Variants in XRCC4 observed in about 807,000 individuals in gnomAD.
XRCC4 encodes X-ray repair cross complementing 4.
In XRCC4, 28 loss-of-function variants were observed where a neutral mutation model predicts 39.1. The observed-to-expected ratio is 0.72, with a 90% confidence interval of 0.53 to 0.98. The LOEUF is 0.98. Among genes scored for constraint, XRCC4 ranks in the 50% least tolerant of loss-of-function variants. The pLI, the probability that XRCC4 is intolerant of heterozygous loss-of-function variation, is 0.00. For synonymous variants in XRCC4, 123 were observed against 126.4 expected, an observed-to-expected ratio of 0.97 and a Z score of 0.18; for missense variants, 350 against 376.4, an observed-to-expected ratio of 0.93 and a Z score of 0.58.
chr5:83,369,606 T>C, the XRCC4 span, among the ~76,000 whole-genome samples: 1 of 152,234 alleles, frequency 6.6e-6, no homozygotes. Flanking sequence ...CTGCATAGTA[T>C]TCCACGGTGT....
At chr5:83,178,380 C>T (rs1750056499) in intron 3 of XRCC4, among the ~76,000 whole-genome samples, 2 of 152,034 alleles carry the variant, frequency 1.3e-5, no homozygotes, top group Non-Finnish European at 2.9e-5. Context: ...CTTGAGATCA[C>T]TCAGGAAGAG....
chr5:83,320,256 T>G (rs1298810020), intron 7 of XRCC4, among the ~76,000 whole-genome samples: 2 of 145,700 alleles, frequency 1.4e-5, no homozygotes, highest in Non-Finnish European at 3.0e-5. Flanking sequence ...TACCTAATGA[T>G]AGATGACACG....
At chr5:83,127,136 G>A (rs1302779655) in intron 3 of XRCC4, among the ~76,000 whole-genome samples, 2 of 151,900 alleles carry the variant, frequency 1.3e-5, no homozygotes, top group Non-Finnish European at 1.5e-5. Context: ...AAGACTTTTG[G>A]GGCTACTGGG....
chr5:83,091,356 C>A (rs1016676132), intron 1 of XRCC4, among the ~76,000 whole-genome samples: 1 of 152,144 alleles, frequency 6.6e-6, no homozygotes, highest in Non-Finnish European at 1.5e-5. Flanking sequence ...CTATTAAAAC[C>A]ATCAGCTCTT....
chr5:83,085,763 C>A (rs1745153038), intron 1 of XRCC4, among the ~76,000 whole-genome samples: 1 of 152,076 alleles, frequency 6.6e-6, no homozygotes, highest in African/African-American at 2.4e-5. Context: ...TCTTAAATGG[C>A]AACATAGAAA....
chr5:83,184,805 C>G (rs935379705), intron 3 of XRCC4, among the ~76,000 whole-genome samples: 15 of 152,058 alleles, frequency 9.9e-5, no homozygotes, highest in African/African-American at 3.6e-4. Flanking sequence ...AAGTAATCAA[C>G]CATTTTAAAA....
At chr5:83,083,894 T>G (rs1014563911) in intron 1 of XRCC4, among the ~76,000 whole-genome samples, 1 of 152,196 alleles carries the variant, frequency 6.6e-6, no homozygotes, top group Non-Finnish European at 1.5e-5. Context: ...TAATATTAGA[T>G]GTAACTCAAG....
the XRCC4 span, among the ~76,000 whole-genome samples, chr5:83,374,329 T>A: frequency 3.9e-5 from 6 of 152,344 alleles, no homozygotes; most frequent in South Asian, 1.2e-3. Context: ...GATGATTTTA[T>A]AAGGGGCTTC....
chr5:83,320,382 TA>T (rs1561473513), intron 7 of XRCC4, among the ~76,000 whole-genome samples: 12 of 141,058 alleles, frequency 8.5e-5, no homozygotes, highest in African/African-American at 3.2e-4. Context: ...AAAAAAATAA[TA>T]AAAAAATAAA....
intron 7 of XRCC4, among the ~76,000 whole-genome samples, chr5:83,269,298 C>G (rs1478292365): frequency 6.6e-6 from 1 of 152,052 alleles, no homozygotes; most frequent in Admixed American, 6.6e-5. Context: ...GCACTGTGTC[C>G]TATGCTGGGA....
At chr5:83,119,998 CAA>C (rs367806953) in intron 3 of XRCC4, among the ~76,000 whole-genome samples, 4 of 62,098 alleles carry the variant, frequency 6.4e-5, no homozygotes, top group Admixed American at 1.7e-4. Context: ...CCTTGTCTCA[CAA>C]AAAAAAAAAA....
chr5:83,358,140 G>C (rs1580545862), downstream of XRCC4, among the ~76,000 whole-genome samples: 1 of 152,108 alleles, frequency 6.6e-6, no homozygotes, highest in East Asian at 1.9e-4. Flanking sequence ...GACTTCATTT[G>C]TAAGTGTTCT....
At chr5:83,308,343 AAAT>A (rs1755561442) in intron 7 of XRCC4, among the ~76,000 whole-genome samples, 1 of 152,158 alleles carries the variant, frequency 6.6e-6, no homozygotes, top group South Asian at 2.1e-4. Context: ...GGATGGAGAG[AAAT>A]AATAGTATTT....
intron 1 of XRCC4, among the ~76,000 whole-genome samples, chr5:83,079,752 T>C (rs898975067): frequency 6.6e-6 from 1 of 152,066 alleles, no homozygotes; most frequent in Non-Finnish European, 1.5e-5. Context: ...TAGGCTGGTC[T>C]CAAACTCCTG....
chr5:83,141,688 T>C (rs1300322630), intron 3 of XRCC4, among the ~76,000 whole-genome samples: 1 of 152,134 alleles, frequency 6.6e-6, no homozygotes, highest in Non-Finnish European at 1.5e-5. Flanking sequence ...TTTGAAGATG[T>C]TGAAAATGTA....
At chr5:83,123,678 T>C (rs1228413786) in intron 3 of XRCC4, among the ~76,000 whole-genome samples, 1 of 152,102 alleles carries the variant, frequency 6.6e-6, no homozygotes, top group Admixed American at 6.5e-5. Context: ...GTTATCTTGT[T>C]ATCTATAACT....
chr5:83,313,099 A>C (rs1360923164), intron 7 of XRCC4, among the ~76,000 whole-genome samples: 1 of 148,014 alleles, frequency 6.8e-6, no homozygotes, highest in African/African-American at 2.5e-5. Flanking sequence ...TTTTTTTACA[A>C]TAAAAGTAAC....
At chr5:83,257,607 A>G (rs1247569392) in intron 6 of XRCC4, among the ~76,000 whole-genome samples, 2 of 152,232 alleles carry the variant, frequency 1.3e-5, no homozygotes, top group African/African-American at 2.4e-5. Flanking sequence ...AATTAGTTCA[A>G]TCATTGTGGA....
intron 6 of XRCC4, among the ~76,000 whole-genome samples, chr5:83,244,662 A>G (rs1221503949): frequency 6.6e-6 from 1 of 152,012 alleles, no homozygotes; most frequent in Non-Finnish European, 1.5e-5. Flanking sequence ...ACCAAACTCT[A>G]CTTTGTGCCT....
Sources: allele counts gnomAD v4.1 joint callset (sites outside exome capture counted in the v4.1 genomes callset), GRCh38; gene constraint gnomAD v4.1.1; transcripts MANE v1.5; gene names NCBI Gene and HGNC (gene_info 2026-07-23, HGNC 2026-07-21).